GARRE1: variants seen among roughly 807,000 people sequenced by gnomAD.
GARRE1 encodes granule associated Rac and RHOG effector protein 1.
A neutral mutation model predicts 103.2 loss-of-function variants in GARRE1; 49 were observed. The ratio of observed to expected loss-of-function variants is 0.47; its 90% CI spans 0.38 to 0.60. The LOEUF (loss-of-function observed/expected upper bound fraction) is 0.60. Ranked by LOEUF, GARRE1 falls within the 20% of genes least tolerant of loss-of-function variation. The pLI is 0.00. For missense variants in GARRE1, 1,199 were observed against 1,370.5 expected, an observed-to-expected ratio of 0.87 and a Z score of 1.98; for synonymous variants, 505 against 532.8, an observed-to-expected ratio of 0.95 and a Z score of 0.72.
At chr19:34,262,951 C>T (rs902814122) in intron 1 of GARRE1, among the ~76,000 whole-genome samples, 7 of 152,028 alleles carry the variant, frequency 4.6e-5, no homozygotes, top group East Asian at 1.9e-4. Context: ...TGGTGGCTCA[C>T]GCCTGTAATC....
intron 1 of GARRE1, among the ~76,000 whole-genome samples, chr19:34,271,490 C>T (rs987846914): frequency 4.6e-5 from 7 of 151,942 alleles, no homozygotes; most frequent in African/African-American, 1.7e-4. Flanking sequence ...CCTCGTCATC[C>T]ACCCGCCTCG....
intron 1 of GARRE1, among the ~76,000 whole-genome samples, chr19:34,277,254 G>T (rs989626363): frequency 2.6e-5 from 4 of 152,172 alleles, no homozygotes; most frequent in African/African-American, 9.7e-5. Flanking sequence ...TTTATTCAAA[G>T]TGCCAGGGAC....
Position 34,352,794 on chromosome 19 carries a change from C to G in GARRE1, c.3052C>G (p.Pro1018Ala). The change falls in exon 14 of 14, where the codon CCA becomes GCA. Residue 1018 changes from proline (P) to alanine (A), a missense_variant. By Grantham distance (27) the Pro-to-Ala change is conservative (BLOSUM62 -1). Transcript: ENST00000299505. ...CGACACCATGCAGATGCTGCAGTCC[C>G]CAGTGTGGGCCGCAACCAACGACTG... ...WNDTMQMLQS[P>A]VWAATNDCSA... The G allele has an allele frequency of 6.2e-7, 1 of 1,614,058 alleles. No individual in the cohort carries two copies. The highest frequency in any genetic ancestry group is 8.5e-7 in the Non-Finnish European group (1 of 1,180,014).
At chr19:34,310,132 G>T (rs1026674473) in intron 2 of GARRE1, among the ~76,000 whole-genome samples, 2 of 152,198 alleles carry the variant, frequency 1.3e-5, no homozygotes, top group Admixed American at 6.5e-5. Flanking sequence ...AATTAGGTTT[G>T]GTGGGCAGAT....
intron 1 of GARRE1, among the ~76,000 whole-genome samples, chr19:34,299,186 A>G (rs2073963941): frequency 6.6e-6 from 1 of 152,078 alleles, no homozygotes; most frequent in African/African-American, 2.4e-5. Context: ...CACTTGTCCA[A>G]ACCTATCCTA....
At chr19:34,307,936 C>T (rs1034856470) in intron 2 of GARRE1, among the ~76,000 whole-genome samples, 1 of 150,824 alleles carries the variant, frequency 6.6e-6, no homozygotes, top group South Asian at 2.1e-4. Flanking sequence ...GCTGAGACTA[C>T]AAGTATGTAT....
In GARRE1 at chr19:34,256,226, T is replaced by C. The variant is rs183174310; in HGVS notation, c.-796+1612T>C. ...TCTGTCTCTTTGTCATAAAAAAAAA[T>C]TCCAGCCTGGCGCGATGGCTCATGC... is the stretch of plus-strand genomic sequence containing the variant. On this transcript the variant is annotated intron_variant, in intron 1 of 13. Coordinates refer to ENST00000299505, the MANE Select transcript of GARRE1 (RefSeq NM_014686.5). 3.4e-3 allele frequency among the ~76,000 whole-genome samples: 517 copies of C among 151,820 alleles called. 2 individuals carry two copies. The highest frequency in any genetic ancestry group is 0.012 in the African/African-American group (492 of 41,440).
intron 3 of GARRE1, among the ~76,000 whole-genome samples, chr19:34,322,401 A>G (rs762561618): frequency 6.6e-6 from 1 of 151,990 alleles, no homozygotes; most frequent in Non-Finnish European, 1.5e-5. Flanking sequence ...TGAACTCCTG[A>G]CCTCAGGTGA....
rs549198518 is a variant in GARRE1, at chr19:34,328,130, C to T, written c.1083C>T (p.Ala361=). The change falls in exon 6 of 14, where the codon GCC becomes GCT. Residue 361 remains alanine, a synonymous_variant. Transcript: ENST00000299505. The stretch of plus-strand genomic sequence containing the variant: ...GCGTCTCCTTTAATGAGTCGGCCGC[C>T]GACAATCTGAAACTTAAGACGGTAG... The part of the protein sequence containing the change: ...LKGVSFNESA[A]DNLKLKTHTM... 143 of 1,613,874 alleles carry T rather than the reference C, an allele frequency of 8.9e-5. 1 individual carries two copies. The highest frequency in any genetic ancestry group is 1.5e-4 in the African/African-American group (11 of 74,978).
chr19:34,327,429 T>G lies in GARRE1; in HGVS notation c.714T>G (p.Ser238=), dbSNP rs1397192444. ...TACTATATATGTTACAGGCGACATC[T>G]AGACTAAGAGAAAGAGGCTGTGATG... ...RSWRGAAEAT[S]RLRERGCDGC... is the part of the protein sequence containing the mutation. Residue 238 remains serine (S), a synonymous_variant, in exon 4 of 14, where the codon TCT becomes TCG. Transcript: ENST00000299505. The G allele has an allele frequency of 1.2e-6, 2 of 1,614,002 alleles. No individual in the cohort carries two copies. Among genetic ancestry groups the G allele is most frequent in the Non-Finnish European group, 1.7e-6 (2 of 1,180,022 alleles).
chr19:34,300,579 G>T lies in GARRE1; in HGVS notation c.106G>T (p.Glu36Ter). The T allele has an allele frequency of 6.2e-7, 1 of 1,613,420 alleles. No individual in the cohort carries two copies. Among genetic ancestry groups the T allele is most frequent in the Non-Finnish European group, 8.5e-7 (1 of 1,180,042 alleles). Residue 36 changes from glutamate to a stop codon, truncating the protein, a stop_gained, in exon 2 of 14, where the codon GAG becomes TAG. Coordinates refer to ENST00000299505, the MANE Select transcript of GARRE1 (RefSeq NM_014686.5). LOFTEE classifies it high-confidence loss of function. ...VQQHQQYPMPELGRALSAPLA... is the reference protein window; with the variant it reads ...VQQHQQYPMP ...GCAGCACCAGCAATACCCGATGCCT[G>T]AGCTGGGCCGAGCACTGAGTGCTCC... is the stretch of plus-strand genomic sequence containing the variant.
At chr19:34,348,613 T>C (rs2074223336) in intron 11 of GARRE1, 1 of 154,468 alleles carries the variant, frequency 6.5e-6, no homozygotes, top group Admixed American at 6.5e-5. Flanking sequence ...AAAATTTTTT[T>C]TCTTTCAACT....
rs568409161 is a variant in GARRE1, at chr19:34,261,074, T to A, written c.-796+6460T>A. ...ATGGGCGTGTCCCTGTTGTTGCCTCTGGCTGCAAGGGTCTCTCCCTTGCTT... is the reference window on the plus strand; with the variant it reads ...ATGGGCGTGTCCCTGTTGTTGCCTCAGGCTGCAAGGGTCTCTCCCTTGCTT... On this transcript the variant is annotated intron_variant, in intron 1 of 13. Coordinates refer to ENST00000299505, the MANE Select transcript of GARRE1 (RefSeq NM_014686.5). 5.2e-4 allele frequency among the ~76,000 whole-genome samples: 79 copies of A among 152,322 alleles called. 1 individual carries two copies. The highest frequency in any genetic ancestry group is 1.7e-3 in the African/African-American group (72 of 41,580).
intron 1 of GARRE1, among the ~76,000 whole-genome samples, chr19:34,288,539 G>A (rs981550419): frequency 6.6e-6 from 1 of 152,178 alleles, no homozygotes; most frequent in Admixed American, 6.5e-5. Context: ...GTGGCCGACT[G>A]TAGGGCTTGC....
chr19:34,282,227 C>T (rs1246176558), intron 1 of GARRE1, among the ~76,000 whole-genome samples: 1 of 143,680 alleles, frequency 7.0e-6, no homozygotes, highest in Non-Finnish European at 1.6e-5. Flanking sequence ...TCTCGGCTCA[C>T]TGCAACCTCC....
intron 9 of GARRE1, 53 bp downstream of exon 9, chr19:34,340,045 C>T: frequency 6.3e-7 from 1 of 1,596,322 alleles, no homozygotes; most frequent in Non-Finnish European, 8.6e-7. Flanking sequence ...TGTGACTATG[C>T]ACAGTTTCAT....
At chr19:34,298,549 C>T (rs1321926414) in intron 1 of GARRE1, among the ~76,000 whole-genome samples, 1 of 151,846 alleles carries the variant, frequency 6.6e-6, no homozygotes, top group Non-Finnish European at 1.5e-5. Flanking sequence ...CCCATCTCTA[C>T]TAAAAGTACA....
At chr19:34,296,917 ACAG>A (rs2073950874) in intron 1 of GARRE1, among the ~76,000 whole-genome samples, 1 of 152,130 alleles carries the variant, frequency 6.6e-6, no homozygotes, top group East Asian at 1.9e-4. Flanking sequence ...AGTACCTAGG[ACAG>A]CAGGCATGCA....
At chr19:34,342,573 T>C (rs2074191994) in intron 10 of GARRE1, 118 bp downstream of exon 10, 1 of 929,184 alleles carries the variant, frequency 1.1e-6, no homozygotes, top group African/African-American at 1.7e-5. Context: ...AATCCCCCTT[T>C]ACGACCCTTT....
Sources: gnomAD v4.1 joint callset for allele counts (sites outside exome capture counted in the v4.1 genomes callset) on GRCh38, gnomAD v4.1.1 for gene constraint, MANE v1.5 for transcripts, NCBI Gene and HGNC (gene_info 2026-07-23, HGNC 2026-07-21) for gene names.